The following CATSPERQ variants were observed in gnomAD, a reference collection of about 807,000 sequenced individuals.
CATSPERQ encodes cation channel sperm-associated auxiliary subunit theta.
chr8:144,353,380 G>A, the CATSPERQ span: 1 of 1,535,316 alleles, frequency 6.5e-7, no homozygotes, highest in Non-Finnish European at 8.7e-7. Flanking sequence ...GAGGAGCTGG[G>A]CTTGTGACCC....
At chr8:144,353,545 G>A in the CATSPERQ span, 2 of 1,526,240 alleles carry the variant, frequency 1.3e-6, no homozygotes, top group Non-Finnish European at 1.8e-6. Flanking sequence ...AGCAGGTGGC[G>A]CTCAACTGGG....
the CATSPERQ span, chr8:144,354,239 C>T: frequency 5.0e-3 from 7,713 of 1,542,976 alleles, 115 homozygotes; most frequent in African/African-American, 0.049. This position sits in a 1 kb window ranked among gnomAD's most constrained non-coding sequence, Gnocchi z 4.6. Context: ...GCTCACACCT[C>T]TCTCAGGGAG....
chr8:144,353,628 C>T, the CATSPERQ span: 3 of 1,460,166 alleles, frequency 2.1e-6, no homozygotes, highest in South Asian at 1.3e-5. Context: ...CCCGTCCTGC[C>T]CGAAGCCCCG....
chr8:144,354,283 A>T, the CATSPERQ span: 2 of 1,534,812 alleles, frequency 1.3e-6, no homozygotes, highest in Non-Finnish European at 1.7e-6. This position sits in a 1 kb window ranked among gnomAD's most constrained non-coding sequence, Gnocchi z 4.6. Context: ...GATGATGAAG[A>T]GCAGCATCCC....
At chr8:144,354,718 C>T in the CATSPERQ span, 2 of 1,535,650 alleles carry the variant, frequency 1.3e-6, no homozygotes, top group South Asian at 2.4e-5. The surrounding 1 kb of genome is among the most constrained non-coding windows in gnomAD (Gnocchi z 4.6). Context: ...GAGCTGGAAG[C>T]GCCAGCCGAT....
chr8:144,354,578 A>AGCCCCGCCCCGCCCCGCCCC, the CATSPERQ span: 1 of 217,704 alleles, frequency 4.6e-6, no homozygotes, highest in African/African-American at 1.2e-4. This position sits in a 1 kb window ranked among gnomAD's most constrained non-coding sequence, Gnocchi z 4.6. Flanking sequence ...CGCCCTTCCC[A>AGCCCCGCCCCGCCCCGCCCC]GCCCCGCCCC....
At chr8:144,354,558 T>TGC in the CATSPERQ span, 21 of 504,376 alleles carry the variant, frequency 4.2e-5, no homozygotes, top group Non-Finnish European at 5.1e-5. This position sits in a 1 kb window ranked among gnomAD's most constrained non-coding sequence, Gnocchi z 4.6. Context: ...GTCTCCCTCC[T>TGC]CCCCCGCCCC....
At chr8:144,354,836 T>G in the CATSPERQ span, 4 of 1,496,414 alleles carry the variant, frequency 2.7e-6, no homozygotes, top group East Asian at 5.0e-5. This position sits in a 1 kb window ranked among gnomAD's most constrained non-coding sequence, Gnocchi z 4.6. Flanking sequence ...ACAGCGGCAC[T>G]CCTACCTCGG....
chr8:144,354,294 C>T, the CATSPERQ span: 2 of 1,534,386 alleles, frequency 1.3e-6, no homozygotes, highest in Non-Finnish European at 1.7e-6. This position sits in a 1 kb window ranked among gnomAD's most constrained non-coding sequence, Gnocchi z 4.6. Context: ...GCAGCATCCC[C>T]TTCCACAGTG....
the CATSPERQ span, chr8:144,353,501 G>C: frequency 6.0e-4 from 921 of 1,535,410 alleles, 1 homozygote; most frequent in Non-Finnish European, 7.8e-4. Context: ...GTTTCCGGGC[G>C]ATGTAACGGC....
the CATSPERQ span, chr8:144,353,740 C>G: frequency 6.5e-7 from 1 of 1,533,278 alleles, no homozygotes; most frequent in East Asian, 2.4e-5. Context: ...TCGGTGTCAT[C>G]GTGTCCTGAG....
At chr8:144,353,565 G>A in the CATSPERQ span, 45 of 1,506,396 alleles carry the variant, frequency 3.0e-5, no homozygotes, top group Admixed American at 6.2e-5. Flanking sequence ...GGCCGGGACA[G>A]GACAGACCCG....
the CATSPERQ span, chr8:144,354,590 C>T: frequency 2.9e-6 from 4 of 1,383,622 alleles, no homozygotes; most frequent in Non-Finnish European, 2.9e-6. The surrounding 1 kb of genome is among the most constrained non-coding windows in gnomAD (Gnocchi z 4.6). Flanking sequence ...CCCCGCCCCG[C>T]CCCGCCCCGC....
chr8:144,353,560 G>C, the CATSPERQ span: 190 of 1,516,588 alleles, frequency 1.3e-4, no homozygotes, highest in East Asian at 3.9e-3. Flanking sequence ...ACTGGGGCCG[G>C]GACAGGACAG....
the CATSPERQ span, chr8:144,354,558 T>TGCCC: frequency 2.0e-6 from 1 of 504,390 alleles, no homozygotes; most frequent in Non-Finnish European, 3.2e-6. This position sits in a 1 kb window ranked among gnomAD's most constrained non-coding sequence, Gnocchi z 4.6. Context: ...GTCTCCCTCC[T>TGCCC]CCCCCGCCCC....
chr8:144,354,478 G>A, the CATSPERQ span: 967 of 1,324,954 alleles, frequency 7.3e-4, 4 homozygotes, highest in African/African-American at 0.012. This position sits in a 1 kb window ranked among gnomAD's most constrained non-coding sequence, Gnocchi z 4.6. Flanking sequence ...CAGGAGCACC[G>A]GCCGGCCCCA....
the CATSPERQ span, chr8:144,354,865 C>T: frequency 3.4e-6 from 5 of 1,470,622 alleles, no homozygotes; most frequent in South Asian, 6.7e-5. This position sits in a 1 kb window ranked among gnomAD's most constrained non-coding sequence, Gnocchi z 4.6. Context: ...TTCTCCAGGG[C>T]TGCAGGCCCA....
chr8:144,354,626 C>T, the CATSPERQ span: 5 of 1,487,442 alleles, frequency 3.4e-6, no homozygotes, highest in Non-Finnish European at 4.5e-6. This position sits in a 1 kb window ranked among gnomAD's most constrained non-coding sequence, Gnocchi z 4.6. Flanking sequence ...CCGTTTGGCT[C>T]CTGCTGCACG....
the CATSPERQ span, chr8:144,353,949 G>T: frequency 3.3e-6 from 5 of 1,530,536 alleles, no homozygotes; most frequent in Admixed American, 9.9e-5. Context: ...CTCCCGGCCC[G>T]TTACCATCGG....
Sources: gnomAD v4.1 joint callset for allele counts on GRCh38, gnomAD v4.1.1 for gene constraint, Gnocchi (gnomAD v3.1) non-coding constraint, MANE v1.5 for transcripts, NCBI Gene and HGNC (gene_info 2026-07-23, HGNC 2026-07-21) for gene names.